The following TNIK variants were observed in gnomAD, a reference collection of about 807,000 sequenced individuals.
TNIK encodes the protein TRAF2 and NCK interacting kinase.
In TNIK, 49 loss-of-function variants were observed where a neutral mutation model predicts 191.3. The observed-to-expected ratio is 0.26, with a 90% CI of 0.20 to 0.32. TNIK has a LOEUF of 0.32. TNIK is among the 10% of genes least tolerant of loss of function. The probability of loss-of-function intolerance (pLI) is 1.00; values close to 1 mark genes in which losing one functional copy is unlikely to be tolerated. For missense variants in TNIK, 1,155 were observed against 1,702.3 expected, an observed-to-expected ratio of 0.68 and a Z score of 5.66; for synonymous variants, 594 against 600.9, an observed-to-expected ratio of 0.99 and a Z score of 0.17.
At chr3:171,437,710 A>G (rs1027317942) in intron 1 of TNIK, among the ~76,000 whole-genome samples, 4 of 152,228 alleles carry the variant, frequency 2.6e-5, no homozygotes, top group African/African-American at 7.2e-5. Context: ...CCTATCAGGT[A>G]ACTGAAATCC....
intron 2 of TNIK, among the ~76,000 whole-genome samples, chr3:171,239,740 G>A (rs763064927): frequency 8.5e-5 from 13 of 152,218 alleles, no homozygotes; most frequent in Non-Finnish European, 1.5e-4. Context: ...AATGCAGGAT[G>A]GCTCTTACAT....
At chr3:171,221,652 A>G (rs1371220721) in intron 3 of TNIK, among the ~76,000 whole-genome samples, 3 of 152,090 alleles carry the variant, frequency 2.0e-5, no homozygotes, top group South Asian at 2.1e-4. Context: ...GCACTCATTC[A>G]TTCTCAAGTA....
At chr3:171,308,551 A>T (rs554162040) in intron 2 of TNIK, among the ~76,000 whole-genome samples, 13 of 152,340 alleles carry the variant, frequency 8.5e-5, no homozygotes, top group Admixed American at 3.3e-4. Flanking sequence ...AAAACCAAAA[A>T]TTAACAAATA....
chr3:171,168,848 G>A (rs906493727), intron 9 of TNIK, among the ~76,000 whole-genome samples: 10 of 152,214 alleles, frequency 6.6e-5, no homozygotes, highest in Admixed American at 4.6e-4. Context: ...TACCTGAGCT[G>A]TGTGTTTGGT....
chr3:171,364,087 G>A (rs1394007058), intron 2 of TNIK, among the ~76,000 whole-genome samples: 2 of 152,190 alleles, frequency 1.3e-5, no homozygotes, highest in Non-Finnish European at 1.5e-5. Flanking sequence ...TGCGGTCCCA[G>A]GACCTTGAAC....
Position 171,063,064 on chromosome 3 carries a change from G to A in TNIK, c.*817C>T, listed in dbSNP as rs892421087. 1 of 152,160 alleles carries A rather than the reference G, an allele frequency of 6.6e-6. No homozygotes were observed. Among genetic ancestry groups the A allele is most frequent in the African/African-American group, 2.4e-5 (1 of 41,428 alleles). 9.4% of individuals were successfully genotyped at this position (152,160 alleles called of 1,614,324 possible). ...ATAGCTGAGGGAAAGTTGTGTTAGA[G>A]TGTCCCTCCATCGCTAGGCCAGCTC... On this transcript the variant is annotated 3_prime_UTR_variant, in exon 33 of 33. Transcript: ENST00000436636.
chr3:171,182,447 G>A (rs1736785824), intron 7 of TNIK, among the ~76,000 whole-genome samples: 1 of 152,158 alleles, frequency 6.6e-6, no homozygotes, highest in Admixed American at 6.5e-5. Context: ...AGAACAAGAT[G>A]AGGAAAGAGT....
intron 21 of TNIK, among the ~76,000 whole-genome samples, chr3:171,105,034 T>TTCCATTAGAAAG: frequency 6.7e-6 from 1 of 149,752 alleles, no homozygotes; most frequent in Non-Finnish European, 1.5e-5. Context: ...AAATCTCATA[T>TTCCATTAGAAAG]TCCATTAGAA....
At chr3:171,363,053 AC>A (rs914439119) in intron 2 of TNIK, among the ~76,000 whole-genome samples, 13 of 152,068 alleles carry the variant, frequency 8.5e-5, no homozygotes, top group African/African-American at 2.2e-4. Flanking sequence ...CAGTGGTTTT[AC>A]CCCCACAGAA....
intron 20 of TNIK, among the ~76,000 whole-genome samples, chr3:171,107,573 G>A (rs1009120499): frequency 2.0e-5 from 3 of 152,164 alleles, no homozygotes; most frequent in Admixed American, 6.5e-5. Flanking sequence ...CAGCAGTGAA[G>A]CTGGATGCTA....
intron 1 of TNIK, among the ~76,000 whole-genome samples, chr3:171,408,420 T>C (rs943747391): frequency 6.6e-6 from 1 of 152,162 alleles, no homozygotes; most frequent in Admixed American, 6.5e-5. Context: ...GGCCTAGACT[T>C]GCCAAATGAA....
intron 18 of TNIK, among the ~76,000 whole-genome samples, chr3:171,118,834 C>A (rs1338536485): frequency 6.6e-6 from 1 of 152,164 alleles, no homozygotes; most frequent in Non-Finnish European, 1.5e-5. Flanking sequence ...ACCATAAAAA[C>A]CCTAGAATAA....
At chr3:171,375,501 T>C (rs1378800082) in intron 1 of TNIK, among the ~76,000 whole-genome samples, 2 of 152,170 alleles carry the variant, frequency 1.3e-5, no homozygotes, top group Non-Finnish European at 2.9e-5. Flanking sequence ...TTTTGGGGGT[T>C]CCTTGGATGT....
chr3:171,160,980 A>T (rs1733910345), intron 11 of TNIK, among the ~76,000 whole-genome samples: 1 of 152,188 alleles, frequency 6.6e-6, no homozygotes, highest in Admixed American at 6.5e-5. Context: ...TTGCCCAGAT[A>T]ATTAGCCTTC....
intron 2 of TNIK, among the ~76,000 whole-genome samples, chr3:171,286,625 ACT>A (rs372625413): frequency 6.6e-6 from 1 of 152,194 alleles, no homozygotes; most frequent in African/African-American, 2.4e-5. Flanking sequence ...ACAGAGCAAG[ACT>A]CTGTCTCAAG....
At chr3:171,165,749 C>T (rs965763506) in intron 10 of TNIK, among the ~76,000 whole-genome samples, 2 of 152,190 alleles carry the variant, frequency 1.3e-5, no homozygotes, top group Admixed American at 1.3e-4. Flanking sequence ...AGTCTCTGGT[C>T]TTCCTCTCTA....
At chr3:171,135,579 C>A (rs917495686) in intron 15 of TNIK, among the ~76,000 whole-genome samples, 2 of 152,156 alleles carry the variant, frequency 1.3e-5, no homozygotes, top group Non-Finnish European at 2.9e-5. Flanking sequence ...GTTAACCACA[C>A]CCAGGAGCAG....
At chr3:171,105,521 C>A (rs750531038) in intron 21 of TNIK, among the ~76,000 whole-genome samples, 4 of 152,168 alleles carry the variant, frequency 2.6e-5, no homozygotes, top group Non-Finnish European at 5.9e-5. Flanking sequence ...ATCAGTGATA[C>A]TCAAGAGATC....
intron 2 of TNIK, among the ~76,000 whole-genome samples, chr3:171,324,219 T>A (rs1365475919): frequency 6.6e-6 from 1 of 152,190 alleles, no homozygotes; most frequent in Non-Finnish European, 1.5e-5. Context: ...AGCATTTGGG[T>A]AAAGCTCTAG....
Sources: gnomAD v4.1 joint callset for allele counts (sites outside exome capture counted in the v4.1 genomes callset) on GRCh38, gnomAD v4.1.1 for gene constraint, MANE v1.5 for transcripts, NCBI Gene and HGNC (gene_info 2026-07-23, HGNC 2026-07-21) for gene names.